Variants in RNF38 observed in about 807,000 individuals in gnomAD.
RNF38 encodes ring finger protein 38.
Under a neutral mutation model 67.2 loss-of-function variants are expected in RNF38, and 15 were observed. That is an observed-to-expected ratio of 0.22 (90% CI 0.15 to 0.34). The LOEUF (loss-of-function observed/expected upper bound fraction) is 0.34, where lower values mean the gene tolerates loss of function less well. Among genes scored for constraint, RNF38 ranks in the 10% least tolerant of loss-of-function variants. RNF38 has a pLI of 1.00. For missense variants in RNF38, 524 were observed against 639.9 expected, an observed-to-expected ratio of 0.82 and a Z score of 1.95; for synonymous variants, 220 against 218.8, an observed-to-expected ratio of 1.01 and a Z score of -0.05.
At chr9:36,441,001 C>T (rs765678397) in intron 1 of RNF38, among the ~76,000 whole-genome samples, 4 of 152,120 alleles carry the variant, frequency 2.6e-5, no homozygotes, top group Non-Finnish European at 5.9e-5. Flanking sequence ...CACCTGCCTG[C>T]CAATCTAATA....
chr9:36,468,806 C>T (rs1839926341), intron 1 of RNF38, among the ~76,000 whole-genome samples: 1 of 151,364 alleles, frequency 6.6e-6, no homozygotes, highest in Non-Finnish European at 1.5e-5. Flanking sequence ...GAGCAAAACT[C>T]TGTCTCAAAA....
chr9:36,389,320 A>C (rs1564031869), intron 2 of RNF38, among the ~76,000 whole-genome samples: 1 of 149,824 alleles, frequency 6.7e-6, no homozygotes, highest in Non-Finnish European at 1.5e-5. Flanking sequence ...TTGAAAACAC[A>C]AAGGGAGTAT....
At chr9:36,473,328 C>T (rs1018950636) in intron 1 of RNF38, among the ~76,000 whole-genome samples, 1 of 152,022 alleles carries the variant, frequency 6.6e-6, no homozygotes, top group African/African-American at 2.4e-5. Context: ...CAGCTCATGC[C>T]TATAATCCCA....
Position 36,375,867 on chromosome 9 carries a change from G to C in RNF38, c.356+67C>G. 5 of 1,420,090 alleles carry C rather than the reference G, an allele frequency of 3.5e-6. No individual in the cohort carries two copies. The South Asian group carries it at 6.7e-5, about 19-fold the overall frequency. 88.0% of individuals were successfully genotyped at this position (1,420,090 alleles called of 1,614,324 possible). ...AATGCCTACAGAAAAAATGTTTTCT[G>C]ATGTTAAATATACTCACAAATCTAC... is the stretch of plus-strand genomic sequence containing the variant. On this transcript the variant is annotated intron_variant, in intron 3 of 11. Transcript: ENST00000259605.
intron 1 of RNF38, among the ~76,000 whole-genome samples, chr9:36,479,271 A>G (rs1255564814): frequency 6.6e-6 from 1 of 152,226 alleles, no homozygotes; most frequent in Non-Finnish European, 1.5e-5. Context: ...TCCTCAGAGC[A>G]CAAAGCTTCT....
upstream of RNF38, among the ~76,000 whole-genome samples, chr9:36,405,411 G>C (rs191252561): frequency 6.6e-6 from 1 of 152,264 alleles, no homozygotes; most frequent in Non-Finnish European, 1.5e-5. Flanking sequence ...GCCCATTTTA[G>C]GCTTACTGTA....
intron 2 of RNF38, among the ~76,000 whole-genome samples, chr9:36,414,115 C>G (rs1015933551): frequency 5.9e-5 from 9 of 152,092 alleles, no homozygotes; most frequent in African/African-American, 2.2e-4. Context: ...CACTCCTTTA[C>G]CTTATGTTTA....
chr9:36,459,631 G>A (rs1839678791), intron 1 of RNF38, among the ~76,000 whole-genome samples: 1 of 152,070 alleles, frequency 6.6e-6, no homozygotes, highest in South Asian at 2.1e-4. Context: ...GTGTATGTGT[G>A]TACATACTCC....
intron 1 of RNF38, among the ~76,000 whole-genome samples, chr9:36,426,579 C>G (rs889344771): frequency 6.6e-6 from 1 of 152,186 alleles, no homozygotes; most frequent in African/African-American, 2.4e-5. Context: ...AAGACTAATG[C>G]TGTTTTGACA....
chr9:36,399,428 T>C (rs1837812550), intron 1 of RNF38, among the ~76,000 whole-genome samples: 1 of 150,692 alleles, frequency 6.6e-6, no homozygotes, highest in Admixed American at 6.6e-5. Flanking sequence ...AACTTAAAAT[T>C]GAATGAACAA....
intron 1 of RNF38, among the ~76,000 whole-genome samples, chr9:36,399,407 T>A (rs563056102): frequency 2.0e-5 from 3 of 150,904 alleles, no homozygotes; most frequent in Admixed American, 6.6e-5. Context: ...TACAGAAATA[T>A]CATAAAAATC....
At chr9:36,365,662 GTT>G (rs759974775) in intron 4 of RNF38, among the ~76,000 whole-genome samples, 45 of 103,596 alleles carry the variant, frequency 4.3e-4, no homozygotes, top group Non-Finnish European at 6.9e-4. Context: ...AAGACTGATA[GTT>G]TTTTTTTTTT....
chr9:36,424,738 G>T (rs4879992), intron 1 of RNF38: 3 of 681,558 alleles, frequency 4.4e-6, no homozygotes, highest in East Asian at 2.7e-4. Flanking sequence ...CATTTAAACT[G>T]CTTTACCAAT....
At chr9:36,467,730 G>A (rs1191554442) in intron 1 of RNF38, among the ~76,000 whole-genome samples, 1 of 152,118 alleles carries the variant, frequency 6.6e-6, no homozygotes, top group Non-Finnish European at 1.5e-5. Flanking sequence ...CAGGTAATTT[G>A]TGGACACACA....
chr9:36,476,100 C>T (rs1318917255), intron 1 of RNF38, among the ~76,000 whole-genome samples: 1 of 151,592 alleles, frequency 6.6e-6, no homozygotes, highest in Admixed American at 6.6e-5. Context: ...TAAGTCATTG[C>T]TAATCAACAT....
At chr9:36,440,183 T>C (rs1306141869) in intron 1 of RNF38, among the ~76,000 whole-genome samples, 1 of 151,900 alleles carries the variant, frequency 6.6e-6, no homozygotes, top group East Asian at 1.9e-4. Context: ...GAGGTAGAGG[T>C]TGCAGTGAGC....
chr9:36,407,455 G>C (rs1838209538), intron 2 of RNF38, among the ~76,000 whole-genome samples: 1 of 152,162 alleles, frequency 6.6e-6, no homozygotes, highest in African/African-American at 2.4e-5. Context: ...CGGCCAGGAA[G>C]GAGTTCAAAT....
At chr9:36,432,966 T>C (rs112927825) in intron 1 of RNF38, among the ~76,000 whole-genome samples, 3 of 152,188 alleles carry the variant, frequency 2.0e-5, no homozygotes, top group South Asian at 2.1e-4. Context: ...TTAGTACCTA[T>C]AGGAATTCAA....
chr9:36,440,657 C>CTTT (rs1199161365), intron 1 of RNF38, among the ~76,000 whole-genome samples: 1 of 151,908 alleles, frequency 6.6e-6, no homozygotes, highest in East Asian at 1.9e-4. Context: ...GTTATCTAAA[C>CTTT]ATAGAGACTA....
Sources: allele counts gnomAD v4.1 joint callset (sites outside exome capture counted in the v4.1 genomes callset), GRCh38; gene constraint gnomAD v4.1.1; transcripts MANE v1.5; gene names NCBI Gene and HGNC (gene_info 2026-07-23, HGNC 2026-07-21).